AGAP1: variants seen among roughly 807,000 people sequenced by gnomAD.
AGAP1 encodes the protein arf-GAP with GTPase, ANK repeat and PH domain-containing protein 1.
In AGAP1, 29 loss-of-function variants were observed where a neutral mutation model predicts 105.3. The ratio of observed to expected loss-of-function variants is 0.28; its 90% confidence interval spans 0.21 to 0.38. AGAP1 has a LOEUF of 0.38. AGAP1 is among the 10% of genes least tolerant of loss of function. The probability of loss-of-function intolerance (pLI) is 1.00; values close to 1 mark genes in which losing one functional copy is unlikely to be tolerated. For synonymous variants in AGAP1, 509 were observed against 485.9 expected, an observed-to-expected ratio of 1.05 and a Z score of -0.63; for missense variants, 998 against 1,165.1, an observed-to-expected ratio of 0.86 and a Z score of 2.09.
At chr2:235,920,038 C>T (rs1215418089) in intron 11 of AGAP1, among the ~76,000 whole-genome samples, 2 of 152,130 alleles carry the variant, frequency 1.3e-5, no homozygotes, top group Non-Finnish European at 2.9e-5. Context: ...AATAAGACTC[C>T]ACGTTTTAGG....
In AGAP1 at chr2:235,973,395, CAGG is replaced by C. The variant is rs756264780; in HGVS notation, c.1645+4775_1645+4777del. On this transcript the variant is annotated intron_variant, in intron 13 of 17. Transcript: ENST00000304032. This position sits in a 1 kb window ranked among gnomAD's most constrained non-coding sequence, Gnocchi z 4.7. ...GTATATTTTGGGTTCTGAGGATTAC[CAGG>C]AGATGTGTGGATGACAGAGCCCGTC... Among the ~76,000 whole-genome samples the C allele has an allele frequency of 5.9e-5, 9 of 152,208 alleles. No homozygotes were observed. Among genetic ancestry groups the C allele is most frequent in the Admixed American group, 2.0e-4 (3 of 15,292 alleles).
chr2:235,890,313 C>T (rs2050477696), intron 10 of AGAP1, among the ~76,000 whole-genome samples: 1 of 152,064 alleles, frequency 6.6e-6, no homozygotes, highest in Non-Finnish European at 1.5e-5. Flanking sequence ...ACCACCACGC[C>T]TGGCTAATTT....
chr2:235,928,340 G>A (rs1276498922), intron 11 of AGAP1, among the ~76,000 whole-genome samples: 1 of 152,186 alleles, frequency 6.6e-6, no homozygotes, highest in Non-Finnish European at 1.5e-5. Context: ...AAGGGGAAGA[G>A]AAGCACACAG....
chr2:236,102,024 A>G (rs1050512539), intron 16 of AGAP1, among the ~76,000 whole-genome samples: 5 of 152,048 alleles, frequency 3.3e-5, no homozygotes, highest in African/African-American at 1.2e-4. Context: ...GCTCATGCCT[A>G]TAATCCCAGC....
rs1286214171 is a variant in AGAP1, at chr2:235,962,767, G to T, written c.1484-5695G>T. 6.6e-6 allele frequency among the ~76,000 whole-genome samples: 1 copy of T among 152,168 alleles called. No homozygotes were observed. The highest frequency in any genetic ancestry group is 1.5e-5 in the Non-Finnish European group (1 of 68,034). On this transcript the variant is annotated intron_variant, in intron 12 of 17. Coordinates refer to ENST00000304032, the MANE Select transcript of AGAP1 (RefSeq NM_001037131.3). This position sits in a 1 kb window ranked among gnomAD's most constrained non-coding sequence, Gnocchi z 5.3. ...CTAGAAGCTCTGGTTGAAATTCCAT[G>T]GGGTTTCTCGCTATTGATATTTTAG... is the stretch of plus-strand genomic sequence containing the variant.
intron 3 of AGAP1, among the ~76,000 whole-genome samples, chr2:235,738,799 C>A (rs1952405110): frequency 6.6e-6 from 1 of 152,190 alleles, no homozygotes; most frequent in East Asian, 1.9e-4. Context: ...CTCAGGTGAT[C>A]CACCTGCCTC....
intron 16 of AGAP1, among the ~76,000 whole-genome samples, chr2:236,103,506 C>G (rs968959838): frequency 2.6e-5 from 4 of 151,646 alleles, no homozygotes; most frequent in African/African-American, 9.7e-5. Flanking sequence ...TTTTTCTTTT[C>G]TTTTCTTTTC....
Position 235,601,535 on chromosome 2 carries a change from C to G in AGAP1, c.163+106686C>G, listed in dbSNP as rs1226005531. ...ATGGGGGCAGGCAAGAGAGCTTGCTCAGGCGAACTCCCGTTTATAAAACCA... is the reference window on the plus strand; with the variant it reads ...ATGGGGGCAGGCAAGAGAGCTTGCTGAGGCGAACTCCCGTTTATAAAACCA... On this transcript the variant is annotated intron_variant, in intron 1 of 17. Coordinates refer to ENST00000304032, the MANE Select transcript of AGAP1 (RefSeq NM_001037131.3). This position sits in a 1 kb window ranked among gnomAD's most constrained non-coding sequence, Gnocchi z 4.4. Among the ~76,000 whole-genome samples, 1 of 152,104 alleles carries G rather than the reference C, an allele frequency of 6.6e-6. No individual in the cohort carries two copies. The highest frequency in any genetic ancestry group is 1.5e-5 in the Non-Finnish European group (1 of 68,026).
chr2:235,731,396 C>G (rs1951937465), intron 3 of AGAP1, among the ~76,000 whole-genome samples: 1 of 152,134 alleles, frequency 6.6e-6, no homozygotes, highest in South Asian at 2.1e-4. Flanking sequence ...AATCTTTTTC[C>G]TAGAGCCATT....
intron 1 of AGAP1, among the ~76,000 whole-genome samples, chr2:235,649,409 T>G (rs1007353591): frequency 6.6e-6 from 1 of 152,238 alleles, no homozygotes; most frequent in Non-Finnish European, 1.5e-5. Flanking sequence ...ATTCTCACTC[T>G]ACTGCTCAGG....
In AGAP1 at chr2:235,675,258, C is replaced by T. The variant is rs559473799; in HGVS notation, c.164-33921C>T. On this transcript the variant is annotated intron_variant, in intron 1 of 17. Coordinates refer to ENST00000304032, the MANE Select transcript of AGAP1 (RefSeq NM_001037131.3). ...AGGCTGGAGTGCAGTGGCGCGATCT[C>T]AGCTCACTGCAACCTCTGCCTCCCG... 3.4e-5 allele frequency among the ~76,000 whole-genome samples: 5 copies of T among 149,102 alleles called. No individual in the cohort carries two copies. The East Asian group carries it at 1.0e-3, about 30-fold the overall frequency.
chr2:235,674,275 C>T (rs371325941), intron 1 of AGAP1, among the ~76,000 whole-genome samples: 17 of 152,334 alleles, frequency 1.1e-4, no homozygotes, highest in African/African-American at 4.1e-4. Context: ...AGATCAAGGG[C>T]AGTTTCGTGT....
At chr2:235,745,594 C>T (rs1245644188) in intron 5 of AGAP1, among the ~76,000 whole-genome samples, 1 of 152,212 alleles carries the variant, frequency 6.6e-6, no homozygotes, top group Admixed American at 6.5e-5. Flanking sequence ...ATAATCCTAT[C>T]AGGAAAAATT....
chr2:235,857,540 T>G (rs1028273831), intron 9 of AGAP1, among the ~76,000 whole-genome samples: 13 of 152,314 alleles, frequency 8.5e-5, no homozygotes, highest in African/African-American at 2.9e-4. Flanking sequence ...CCACCCTGAT[T>G]GCAGCTGTTC....
rs1358877183 is a variant in AGAP1, at chr2:235,908,312, T to C, written c.1156-426T>C. 1.3e-5 allele frequency among the ~76,000 whole-genome samples: 2 copies of C among 152,216 alleles called. No individual in the cohort carries two copies. The highest frequency in any genetic ancestry group is 1.3e-4 in the Admixed American group (2 of 15,288). ...TTCACCAGAGAGCTTCAGTCTTATC[T>C]AGATTTTAATGATATTCCCATCTGA... On this transcript the variant is annotated intron_variant, in intron 10 of 17. Transcript: ENST00000304032. The surrounding 1 kb of genome is among the most constrained non-coding windows in gnomAD (Gnocchi z 4.4).
chr2:236,010,882 A>C (rs931147441), intron 13 of AGAP1, among the ~76,000 whole-genome samples: 2 of 152,152 alleles, frequency 1.3e-5, no homozygotes, highest in Non-Finnish European at 2.9e-5. Flanking sequence ...AAAATACACT[A>C]AAAAAGTACA....
At chr2:235,636,601 C>G (rs1042944866) in intron 1 of AGAP1, among the ~76,000 whole-genome samples, 2 of 152,182 alleles carry the variant, frequency 1.3e-5, no homozygotes, top group African/African-American at 4.8e-5. Context: ...CTTCTGGACC[C>G]TCCACATCAG....
chr2:235,943,362 A>ATTTTTT (rs562379887), intron 12 of AGAP1, among the ~76,000 whole-genome samples: 54,556 of 126,026 alleles, frequency 0.43, 12,313 homozygotes, highest in South Asian at 0.58. Context: ...AAAGGACTTA[A>ATTTTTT]TTTTTTTTTT....
At chr2:235,606,561 G>A (rs1046537895) in intron 1 of AGAP1, among the ~76,000 whole-genome samples, 2 of 149,702 alleles carry the variant, frequency 1.3e-5, no homozygotes, top group African/African-American at 5.1e-5. Flanking sequence ...TCACCAAATC[G>A]AAAGCCAATC....
Sources: allele counts gnomAD v4.1 joint callset (sites outside exome capture counted in the v4.1 genomes callset), GRCh38; gene constraint gnomAD v4.1.1; non-coding constraint Gnocchi (gnomAD v3.1); transcripts MANE v1.5; gene names NCBI Gene and HGNC (gene_info 2026-07-23, HGNC 2026-07-21).